The following OR2M3 variants were observed in gnomAD, a reference collection of about 807,000 sequenced individuals.
OR2M3 encodes olfactory receptor family 2 subfamily M member 3, also known as olfactory receptor 2M3.
In OR2M3, 1 loss-of-function variant was observed where a neutral mutation model predicts 4.3. The ratio of observed to expected loss-of-function variants is 0.23; its 90% CI spans 0.08 to 1.11. The LOEUF is 1.11. Among genes scored for constraint, OR2M3 ranks in the 50% most tolerant of loss-of-function variants. The probability of loss-of-function intolerance (pLI) is 0.54; values close to 1 mark genes in which losing one functional copy is unlikely to be tolerated. For missense variants in OR2M3, 410 were observed against 390.4 expected (o/e 1.05, Z -0.42); for synonymous variants, 151 against 139.4 (o/e 1.08, Z -0.59).
chr1:248,204,942 A>G lies in OR2M3; in HGVS notation c.*936A>G, dbSNP rs145488768. Reference sequence around the variant, plus strand: ...CCCTTTTGACCGCATCCACACCAGCATCTATTATTGTTTGATTGATTATGG... The same window carrying G: ...CCCTTTTGACCGCATCCACACCAGCGTCTATTATTGTTTGATTGATTATGG... On this transcript the variant is annotated 3_prime_UTR_variant, in exon 2 of 2. Coordinates refer to ENST00000641626, the MANE Select transcript of OR2M3 (RefSeq NM_001004689.2). 1.7e-3 allele frequency: 265 copies of G among 152,110 alleles called. No individual in the cohort carries two copies. Among genetic ancestry groups the G allele is most frequent in the African/African-American group, 5.7e-3 (236 of 41,492 alleles). The allele number at this position is 152,110 out of a possible 1,614,324, so 9.4% of individuals were successfully genotyped here.
At chr1:248,200,119 G>A (rs12142371) in intron 1 of OR2M3, among the ~76,000 whole-genome samples, 30,749 of 151,958 alleles carry the variant, frequency 0.2, 3,521 homozygotes, top group East Asian at 0.38. Context: ...AAGCTAACTT[G>A]ACAAGACAGC....
chr1:248,202,274 A>G (rs1666166038), intron 1 of OR2M3, among the ~76,000 whole-genome samples: 1 of 106,926 alleles, frequency 9.4e-6, no homozygotes, highest in Admixed American at 9.0e-5. Flanking sequence ...CCCCCATCAC[A>G]CGGTAATCCC....
chr1:248,197,823 A>G (rs1294184437), intron 1 of OR2M3, among the ~76,000 whole-genome samples: 2 of 152,102 alleles, frequency 1.3e-5, no homozygotes, highest in Non-Finnish European at 2.9e-5. Context: ...TCCCATACAC[A>G]AAATTGTTTT....
chr1:248,202,782 C>T (rs1666172139), intron 1 of OR2M3, among the ~76,000 whole-genome samples: 2 of 151,464 alleles, frequency 1.3e-5, no homozygotes, highest in Non-Finnish European at 2.9e-5. Context: ...AAAAAAACTC[C>T]ATCCATTATT....
rs1370417624 is a variant in OR2M3, at chr1:248,212,204, G to A, written c.*8198G>A. 2 of 151,906 alleles carry A rather than the reference G, an allele frequency of 1.3e-5. No homozygotes were observed. Among genetic ancestry groups the A allele is most frequent in the African/African-American group, 4.8e-5 (2 of 41,394 alleles). The allele number at this position is 151,906 out of a possible 1,614,324, so 9.4% of individuals were successfully genotyped here. Reference sequence around the variant, plus strand: ...AGTGAAACTGTACATGAAACAAGAAGTATACTAATAGCCATCAAATATTTT... The same window carrying A: ...AGTGAAACTGTACATGAAACAAGAAATATACTAATAGCCATCAAATATTTT... On this transcript the variant is annotated 3_prime_UTR_variant, in exon 2 of 2. Coordinates refer to ENST00000641626, the MANE Select transcript of OR2M3 (RefSeq NM_001004689.2).
In OR2M3 at chr1:248,209,764, T is replaced by C. The variant is rs560962184; in HGVS notation, c.*5758T>C. On this transcript the variant is annotated 3_prime_UTR_variant, in exon 2 of 2. Coordinates refer to ENST00000641626, the MANE Select transcript of OR2M3 (RefSeq NM_001004689.2). The stretch of plus-strand genomic sequence containing the variant: ...TTTTTGTTTATTGTGCTGCTTGTTT[T>C]GTTGGCCTTCAGCCAGGAGGTAGTG... 2 of 152,594 alleles carry C rather than the reference T, an allele frequency of 1.3e-5. No homozygotes were observed. Among genetic ancestry groups the C allele is most frequent in the African/African-American group, 2.4e-5 (1 of 41,562 alleles). The allele number at this position is 152,594 out of a possible 1,614,324, so 9.5% of individuals were successfully genotyped here. A position where few individuals can be genotyped will look rare whatever the true frequency, so the allele number is the denominator to read the frequency against.
At chr1:248,201,874 C>T (rs1666161460) in intron 1 of OR2M3, among the ~76,000 whole-genome samples, 1 of 152,176 alleles carries the variant, frequency 6.6e-6, no homozygotes, top group South Asian at 2.1e-4. Context: ...TCACTGTGAC[C>T]TGTATGCACA....
rs775853541 is a variant in OR2M3, at chr1:248,203,787, T to C, written c.720T>C (p.Thr240=). 6.2e-6 allele frequency: 10 copies of C among 1,612,746 alleles called. No individual in the cohort carries two copies. In the East Asian group the frequency reaches 8.9e-5, roughly 14 times the overall value. ...SGEGRRKAFT[T]CSSHLLVVGM... ...AGGGTCGTCGCAAAGCTTTTACTAC[T>C]TGTTCCTCTCACCTCTTGGTGGTGG... The change falls in exon 2 of 2, where the codon ACT becomes ACC. Residue 240 remains threonine, a synonymous_variant. Transcript: ENST00000641626.
chr1:248,203,966 C>A lies in OR2M3; in HGVS notation c.899C>A (p.Ala300Glu). The change falls in exon 2 of 2, where the codon GCA (alanine) becomes GAA (glutamate). Residue 300 changes from alanine to glutamate, a missense_variant. Coordinates refer to ENST00000641626, the MANE Select transcript of OR2M3 (RefSeq NM_001004689.2). ...YSLRNKEVTR[A>E]FMKILGKGKS... ...CTCCGCAACAAGGAGGTGACCAGAGCATTCATGAAGATCTTAGGAAAGGGC... is the reference window on the plus strand; with the variant it reads ...CTCCGCAACAAGGAGGTGACCAGAGAATTCATGAAGATCTTAGGAAAGGGC... 6.2e-7 allele frequency: 1 copy of A among 1,613,868 alleles called. No individual in the cohort carries two copies.
rs765335646 is a variant in OR2M3, at chr1:248,203,726, G to A, written c.659G>A (p.Arg220Gln). 1.1e-5 allele frequency: 17 copies of A among 1,612,302 alleles called. No homozygotes were observed. Among genetic ancestry groups the A allele is most frequent in the East Asian group, 2.2e-5 (1 of 44,872 alleles). ...PVAIIIASYA[R>Q]VILAVIHMGS... The stretch of plus-strand genomic sequence containing the variant: ...GCAATCATCATTGCTTCCTATGCTC[G>A]AGTTATCCTGGCTGTCATTCACATG... Residue 220 changes from arginine to glutamine, a missense_variant, in exon 2 of 2, where the codon CGA (arginine) becomes CAA (glutamine). Physicochemically the swap from Arg to Gln is conservative, Grantham distance 43 (BLOSUM62 1). Coordinates refer to ENST00000641626, the MANE Select transcript of OR2M3 (RefSeq NM_001004689.2).
chr1:248,199,038 G>A (rs1053182406), intron 1 of OR2M3, among the ~76,000 whole-genome samples: 3 of 152,074 alleles, frequency 2.0e-5, no homozygotes, highest in Admixed American at 6.6e-5. Context: ...CTGATGAGTC[G>A]TCTTCCTGAT....
In OR2M3 at chr1:248,212,802, G is replaced by C. The variant is rs1451085033; in HGVS notation, c.*8796G>C. On this transcript the variant is annotated 3_prime_UTR_variant, in exon 2 of 2. Coordinates refer to ENST00000641626, the MANE Select transcript of OR2M3 (RefSeq NM_001004689.2). The stretch of plus-strand genomic sequence containing the variant: ...GACAGGACAATATTTATTCTACAGA[G>C]TGTTGTTTTACAACATCCTATGTGA... 7 of 151,970 alleles carry C rather than the reference G, an allele frequency of 4.6e-5. No homozygotes were observed. The East Asian group carries it at 9.6e-4, about 21-fold the overall frequency. The allele number at this position is 151,970 out of a possible 1,614,324, so 9.4% of individuals were successfully genotyped here.
At chr1:248,202,872 C>T (rs746964101) in intron 1 of OR2M3, among the ~76,000 whole-genome samples, 178 bp from the exon 2 acceptor site, 9 of 151,950 alleles carry the variant, frequency 5.9e-5, no homozygotes, top group Non-Finnish European at 1.2e-4. Context: ...TCTATAATTT[C>T]GTGAGACAGT....
In OR2M3 at chr1:248,210,295, C is replaced by T. The variant is rs1272806475; in HGVS notation, c.*6289C>T. 6.6e-6 allele frequency: 1 copy of T among 152,484 alleles called. No homozygotes were observed. The highest frequency in any genetic ancestry group is 2.4e-5 in the African/African-American group (1 of 41,450). The allele number at this position is 152,484 out of a possible 1,614,324, so 9.4% of individuals were successfully genotyped here. On this transcript the variant is annotated 3_prime_UTR_variant, in exon 2 of 2. Transcript: ENST00000641626. ...TCTGTTGAGAAAGCAAACAGACTCACAGGTTTTCATTGTCTCAGGGAGCCT... is the reference window on the plus strand; with the variant it reads ...TCTGTTGAGAAAGCAAACAGACTCATAGGTTTTCATTGTCTCAGGGAGCCT...
intron 1 of OR2M3, among the ~76,000 whole-genome samples, chr1:248,199,180 T>G (rs1161239113): frequency 1.3e-5 from 2 of 152,080 alleles, no homozygotes; most frequent in African/African-American, 4.8e-5. Flanking sequence ...AGCACAATAT[T>G]ACAATTAAGA....
chr1:248,203,897 T>C lies in OR2M3; in HGVS notation c.830T>C (p.Phe277Ser). The C allele has an allele frequency of 6.2e-7, 1 of 1,613,892 alleles. No homozygotes were observed. The highest frequency in any genetic ancestry group is 1.7e-5 in the Admixed American group (1 of 59,980). ...ACACAGGACAAGATGGTGTCTGTATTCTACACCATCCTCACTCCCATGTTG... is the reference window on the plus strand; with the variant it reads ...ACACAGGACAAGATGGTGTCTGTATCCTACACCATCCTCACTCCCATGTTG... ...SPTQDKMVSV[F>S]YTILTPMLNP... Residue 277 changes from phenylalanine (F) to serine (S), a missense_variant, in exon 2 of 2, where the codon TTC (phenylalanine) becomes TCC (serine). Phe to Ser is a radical substitution (Grantham distance 155, BLOSUM62 -2). Coordinates refer to ENST00000641626, the MANE Select transcript of OR2M3 (RefSeq NM_001004689.2).
chr1:248,198,024 C>G (rs1449225998), intron 1 of OR2M3, among the ~76,000 whole-genome samples: 1 of 152,010 alleles, frequency 6.6e-6, no homozygotes, highest in South Asian at 2.1e-4. Context: ...ATCCTCAACC[C>G]GTATTAATGA....
rs1464369889 is a variant in OR2M3 at position 248,209,168 on chromosome 1, TGTGA to T, written c.*5166_*5169del. On this transcript the variant is annotated 3_prime_UTR_variant, in exon 2 of 2. Transcript: ENST00000641626. ...AAGTGTGTCCTTGATTTTTAGAAGTTGTGAGTGTTTTTATTTATGCTGTTTATTT... is the reference window on the plus strand; with the variant it reads ...AAGTGTGTCCTTGATTTTTAGAAGTTGTGTTTTTATTTATGCTGTTTATTT... The T allele has an allele frequency of 6.6e-6, 1 of 152,184 alleles. No homozygotes were observed. Among genetic ancestry groups the T allele is most frequent in the Non-Finnish European group, 1.5e-5 (1 of 68,038 alleles). The allele number at this position is 152,184 out of a possible 1,614,324, so 9.4% of individuals were successfully genotyped here.
chr1:248,208,024 T>C lies in OR2M3; in HGVS notation c.*4018T>C, dbSNP rs892977674. 6.6e-6 allele frequency: 1 copy of C among 152,108 alleles called. No individual in the cohort carries two copies. The highest frequency in any genetic ancestry group is 1.5e-5 in the Non-Finnish European group (1 of 67,988). The allele number at this position is 152,108 out of a possible 1,614,324, so 9.4% of individuals were successfully genotyped here. On this transcript the variant is annotated 3_prime_UTR_variant, in exon 2 of 2. Coordinates refer to ENST00000641626, the MANE Select transcript of OR2M3 (RefSeq NM_001004689.2). ...TGCAAATATATTTTGGATTGTAATATTTTCCTGTTAGACTAGCCCTTTTAT... is the reference window on the plus strand; with the variant it reads ...TGCAAATATATTTTGGATTGTAATACTTTCCTGTTAGACTAGCCCTTTTAT...
Sources: gnomAD v4.1 joint callset for allele counts (sites outside exome capture counted in the v4.1 genomes callset) on GRCh38, gnomAD v4.1.1 for gene constraint, MANE v1.5 for transcripts, NCBI Gene and HGNC (gene_info 2026-07-23, HGNC 2026-07-21) for gene names.